The following ZCCHC7 variants were observed in gnomAD, a reference collection of about 807,000 sequenced individuals.
ZCCHC7 encodes zinc finger CCHC domain-containing protein 7.
A neutral mutation model predicts 52.0 loss-of-function variants in ZCCHC7; 35 were observed. The ratio of observed to expected loss-of-function variants is 0.67; its 90% CI spans 0.51 to 0.89. The LOEUF (loss-of-function observed/expected upper bound fraction) is 0.89. Ranked by LOEUF, ZCCHC7 falls within the 40% of genes least tolerant of loss-of-function variation. The pLI is 0.00. For synonymous variants in ZCCHC7, 217 were observed against 221.5 expected, an observed-to-expected ratio of 0.98 and a Z score of 0.18; for missense variants, 574 against 649.1, an observed-to-expected ratio of 0.88 and a Z score of 1.26.
In ZCCHC7 at chr9:37,251,255, T is replaced by C. The variant is rs543751592; in HGVS notation, c.611-50933T>C. On this transcript the variant is annotated intron_variant, in intron 2 of 8. Transcript: ENST00000336755. ...GTCCTCAACTATGTTTCCTTTTTAA[T>C]TTAAAAAAATCAAGTAGAAAACAAA... Among the ~76,000 whole-genome samples the C allele has an allele frequency of 8.0e-4, 122 of 152,310 alleles. 6 individuals are homozygous for C. Among genetic ancestry groups the C allele is most frequent in the South Asian group, 1.0e-3 (5 of 4,828 alleles).
intron 2 of ZCCHC7, among the ~76,000 whole-genome samples, chr9:37,218,203 T>G (rs1394330559): frequency 6.6e-6 from 1 of 152,144 alleles, no homozygotes; most frequent in Non-Finnish European, 1.5e-5. Context: ...AGCAGATAGA[T>G]CTAAGTATAA....
intron 5 of ZCCHC7, among the ~76,000 whole-genome samples, chr9:37,312,631 T>C (rs1304324275): frequency 1.3e-5 from 2 of 152,198 alleles, no homozygotes; most frequent in African/African-American, 2.4e-5. Flanking sequence ...AGAAATAATA[T>C]AGAGGGCTGG....
chr9:37,158,060 G>A (rs984169815), intron 2 of ZCCHC7, among the ~76,000 whole-genome samples: 4 of 152,228 alleles, frequency 2.6e-5, no homozygotes, highest in African/African-American at 9.6e-5. Context: ...AAGCAGAAGT[G>A]AATGGGTGAA....
At chr9:37,329,391 AT>A (rs1830368758) in intron 6 of ZCCHC7, among the ~76,000 whole-genome samples, 1 of 151,896 alleles carries the variant, frequency 6.6e-6, no homozygotes, top group Admixed American at 6.6e-5. Flanking sequence ...TTAGGAAAAA[AT>A]AATACAAAAT....
chr9:37,316,089 A>ACTGGAGTGCAGTGGCG lies in ZCCHC7; in HGVS notation c.951+10393_951+10408dup, dbSNP rs539220932. Among the ~76,000 whole-genome samples, 624 of 151,438 alleles carry ACTGGAGTGCAGTGGCG rather than the reference A, an allele frequency of 4.1e-3. 5 individuals are homozygous for ACTGGAGTGCAGTGGCG. Among genetic ancestry groups the ACTGGAGTGCAGTGGCG allele is most frequent in the African/African-American group, 0.014 (584 of 41,262 alleles). On this transcript the variant is annotated intron_variant, in intron 5 of 8. Transcript: ENST00000336755. Reference sequence around the variant, plus strand: ...AGACAGAGTCTCACTCTGTTGCCAGACTGGAGTGCAGTGGCGCTGGAGTGC... The same window carrying ACTGGAGTGCAGTGGCG: ...AGACAGAGTCTCACTCTGTTGCCAGACTGGAGTGCAGTGGCGCTGGAGTGCAGTGGCGCTGGAGTGC...
chr9:37,327,689 T>G, intron 5 of ZCCHC7, 110 bp from the exon 6 acceptor site: 1 of 1,172,862 alleles, frequency 8.5e-7, no homozygotes, highest in Non-Finnish European at 1.2e-6. Context: ...TCTGTTAAGC[T>G]TCTTATTTTC....
rs923550823 is a variant in ZCCHC7, at chr9:37,252,017, C to G, written c.611-50171C>G. 2.0e-5 allele frequency among the ~76,000 whole-genome samples: 3 copies of G among 152,034 alleles called. No individual in the cohort carries two copies. In the South Asian group the frequency reaches 6.2e-4, roughly 32 times the overall value. On this transcript the variant is annotated intron_variant, in intron 2 of 8. Coordinates refer to ENST00000336755, the MANE Select transcript of ZCCHC7 (RefSeq NM_032226.3). Reference sequence around the variant, plus strand: ...TAAAACATAGACTTATTTTAATTCACAATTTTGTAAAACCTTCTGAAAACA... The same window carrying G: ...TAAAACATAGACTTATTTTAATTCAGAATTTTGTAAAACCTTCTGAAAACA...
intron 2 of ZCCHC7, among the ~76,000 whole-genome samples, chr9:37,240,805 G>C (rs1467281392): frequency 6.6e-6 from 1 of 151,602 alleles, no homozygotes; most frequent in African/African-American, 2.4e-5. Flanking sequence ...CTAGCTAAAA[G>C]GCCATCATTT....
At chr9:37,306,122 C>T (rs963146271) in intron 5 of ZCCHC7, among the ~76,000 whole-genome samples, 1 of 151,994 alleles carries the variant, frequency 6.6e-6, no homozygotes, top group African/African-American at 2.4e-5. Context: ...GGCTGGAGTG[C>T]GGTGGTGCAA....
At chr9:37,181,872 A>T (rs1159245834) in intron 2 of ZCCHC7, among the ~76,000 whole-genome samples, 1 of 152,178 alleles carries the variant, frequency 6.6e-6, no homozygotes, top group African/African-American at 2.4e-5. Context: ...AAAATTTGAG[A>T]TGGAGTCTTG....
chr9:37,273,243 C>A (rs549287313), intron 2 of ZCCHC7, among the ~76,000 whole-genome samples: 24 of 152,302 alleles, frequency 1.6e-4, no homozygotes, highest in African/African-American at 5.5e-4. Flanking sequence ...GTGGCTCACA[C>A]CTGTAATCCC....
chr9:37,217,709 A>C (rs1393174824), intron 2 of ZCCHC7, among the ~76,000 whole-genome samples: 1 of 152,210 alleles, frequency 6.6e-6, no homozygotes, highest in Non-Finnish European at 1.5e-5. Flanking sequence ...TTAAATTTCC[A>C]ACAGTATCTT....
chr9:37,270,312 A>G (rs1012172725), intron 2 of ZCCHC7, among the ~76,000 whole-genome samples: 1 of 152,202 alleles, frequency 6.6e-6, no homozygotes, highest in Non-Finnish European at 1.5e-5. Context: ...CTGAATGTCT[A>G]CATATTATCA....
chr9:37,224,323 A>G (rs909736097), intron 2 of ZCCHC7, among the ~76,000 whole-genome samples: 5 of 152,140 alleles, frequency 3.3e-5, no homozygotes, highest in African/African-American at 1.2e-4. Flanking sequence ...CAGTGTGGCA[A>G]CTATCCCAGG....
rs190969738 is a variant in ZCCHC7 at position 37,126,931 on chromosome 9, C to T, written c.599C>T (p.Ser200Phe). The change falls in exon 2 of 9, where the codon TCT (serine) becomes TTT (phenylalanine). Residue 200 changes from serine to phenylalanine, a missense_variant. By Grantham distance (155) the Ser-to-Phe change is radical. Coordinates refer to ENST00000336755, the MANE Select transcript of ZCCHC7 (RefSeq NM_032226.3). Reference protein sequence around the residue: ...ILLNLVGCENSVTEGEDGINW... With the variant: ...ILLNLVGCENFVTEGEDGINW... ...CTCAACCTTGTGGGATGTGAAAACTCTGTTACTGAAGGTTAGTATCATATT... is the reference window on the plus strand; with the variant it reads ...CTCAACCTTGTGGGATGTGAAAACTTTGTTACTGAAGGTTAGTATCATATT... 43 of 1,613,326 alleles carry T rather than the reference C, an allele frequency of 2.7e-5. No individual in the cohort carries two copies. The East Asian group carries it at 8.2e-4, about 31-fold the overall frequency.
chr9:37,156,768 G>A (rs529957617), intron 2 of ZCCHC7, among the ~76,000 whole-genome samples: 28 of 152,202 alleles, frequency 1.8e-4, no homozygotes, highest in Admixed American at 7.2e-4. Flanking sequence ...TATTGTCTCT[G>A]CATTTGTTAA....
chr9:37,303,294 G>A (rs962805004), intron 3 of ZCCHC7, among the ~76,000 whole-genome samples: 8 of 151,842 alleles, frequency 5.3e-5, no homozygotes, highest in East Asian at 3.9e-4. Flanking sequence ...GTGTGGTGGC[G>A]GGCGCCTGTA....
chr9:37,164,452 GATAGATAGATAGATA>G (rs1821295608), intron 2 of ZCCHC7, among the ~76,000 whole-genome samples: 6 of 89,718 alleles, frequency 6.7e-5, no homozygotes, highest in African/African-American at 2.5e-4. Context: ...TAGATAGATA[GATAGATAGATAGATA>G]GATAGATAGA....
intron 2 of ZCCHC7, among the ~76,000 whole-genome samples, chr9:37,218,943 T>G (rs1824665450): frequency 3.1e-5 from 1 of 31,776 alleles, no homozygotes; most frequent in Non-Finnish European, 6.9e-5. Context: ...TAGAGCAACA[T>G]TTTTTTTTTT....
Sources: gnomAD v4.1 joint callset for allele counts (sites outside exome capture counted in the v4.1 genomes callset) on GRCh38, gnomAD v4.1.1 for gene constraint, MANE v1.5 for transcripts, NCBI Gene and HGNC (gene_info 2026-07-23, HGNC 2026-07-21) for gene names.